Variants in CAMTA1 observed in about 807,000 individuals in gnomAD.
CAMTA1 encodes calmodulin-binding transcription activator 1.
In CAMTA1, 27 loss-of-function variants were observed where a neutral mutation model predicts 170.9. The observed-to-expected ratio is 0.16, with a 90% CI of 0.12 to 0.22. CAMTA1 has a LOEUF of 0.22. Ranked by LOEUF, CAMTA1 falls within the 10% of genes least tolerant of loss-of-function variation. The pLI, the probability that CAMTA1 is intolerant of heterozygous loss-of-function variation, is 1.00. For missense variants in CAMTA1, 1,619 were observed against 2,217.2 expected (o/e 0.73, Z 5.42); for synonymous variants, 833 against 891.5 (o/e 0.93, Z 1.17).
intron 11 of CAMTA1, among the ~76,000 whole-genome samples, chr1:7,678,606 G>A (rs919991303): frequency 5.3e-5 from 8 of 152,194 alleles, no homozygotes; most frequent in Admixed American, 5.2e-4. Flanking sequence ...GAGGCCCAGA[G>A]CTAGCCAAGG....
Position 7,058,858 on chromosome 1 carries a change from T to C in CAMTA1, c.235-32446T>C, listed in dbSNP as rs1176574054. Among the ~76,000 whole-genome samples the C allele has an allele frequency of 2.7e-5, 4 of 147,564 alleles. No homozygotes were observed. In the East Asian group the frequency reaches 8.0e-4, roughly 30 times the overall value. ...ACTAAAGCTAGTCTAAAGAATGGTGTACACACACACATACACACACACACA... is the reference window on the plus strand; with the variant it reads ...ACTAAAGCTAGTCTAAAGAATGGTGCACACACACACATACACACACACACA... On this transcript the variant is annotated intron_variant, in intron 3 of 22. Coordinates refer to ENST00000303635, the MANE Select transcript of CAMTA1 (RefSeq NM_015215.4).
chr1:7,682,786 G>A lies in CAMTA1; in HGVS notation c.2914+5053G>A, dbSNP rs2096221333. On this transcript the variant is annotated intron_variant, in intron 11 of 22. Coordinates refer to ENST00000303635, the MANE Select transcript of CAMTA1 (RefSeq NM_015215.4). The surrounding 1 kb of genome is among the most constrained non-coding windows in gnomAD (Gnocchi z 5.0). ...GGCCTGGGCCGGCCGCTCCTAGGCT[G>A]GCTCCCTCCCTCAGATCCACCCAGC... Among the ~76,000 whole-genome samples, 1 of 152,198 alleles carries A rather than the reference G, an allele frequency of 6.6e-6. No homozygotes were observed. The highest frequency in any genetic ancestry group is 1.5e-5 in the Non-Finnish European group (1 of 68,024).
At position 7,673,581 on chromosome 1, in the gene CAMTA1, A is replaced by T. The variant is rs540533427; in HGVS notation, c.2779+2544A>T. Among the ~76,000 whole-genome samples, 3 of 152,166 alleles carry T rather than the reference A, an allele frequency of 2.0e-5. No individual in the cohort carries two copies. The South Asian group carries it at 6.2e-4, about 32-fold the overall frequency. The stretch of plus-strand genomic sequence containing the variant: ...CTCTGCCCAGGCCACTCACCCTCCT[A>T]GCTGTTCAGGCTCATTATATGAGCC... On this transcript the variant is annotated intron_variant, in intron 10 of 22. Transcript: ENST00000303635. This position sits in a 1 kb window ranked among gnomAD's most constrained non-coding sequence, Gnocchi z 4.6.
intron 4 of CAMTA1, among the ~76,000 whole-genome samples, chr1:7,238,709 C>A (rs1664332029): frequency 6.6e-6 from 1 of 152,192 alleles, no homozygotes; most frequent in African/African-American, 2.4e-5. Context: ...CATGGTGAAA[C>A]CCTGTCTCTA....
At chr1:6,871,937 A>G (rs1668506531) in intron 3 of CAMTA1, 10 of 1,338,722 alleles carry the variant, frequency 7.5e-6, no homozygotes, top group East Asian at 5.8e-5. Flanking sequence ...GATTTCCTCA[A>G]ATAGAGATAC....
At position 6,923,532 on chromosome 1, in the gene CAMTA1, C is replaced by G. The variant is rs76517602; in HGVS notation, c.234+98322C>G. ...CAGCCCCTGGCTCAGTGCCGGCAGCCCTCCTTGTTGCTTCCAGGGAGGCCT... is the reference window on the plus strand; with the variant it reads ...CAGCCCCTGGCTCAGTGCCGGCAGCGCTCCTTGTTGCTTCCAGGGAGGCCT... On this transcript the variant is annotated intron_variant, in intron 3 of 22. Coordinates refer to ENST00000303635, the MANE Select transcript of CAMTA1 (RefSeq NM_015215.4). Among the ~76,000 whole-genome samples, 763 of 152,316 alleles carry G rather than the reference C, an allele frequency of 5.0e-3. 5 individuals carry two copies. Among genetic ancestry groups the G allele is most frequent in the Non-Finnish European group, 7.1e-3 (486 of 68,024 alleles).
chr1:7,470,291 A>G (rs2093307167), intron 6 of CAMTA1, among the ~76,000 whole-genome samples: 1 of 152,232 alleles, frequency 6.6e-6, no homozygotes, highest in South Asian at 2.1e-4. Flanking sequence ...CCCTGCTCGG[A>G]GCCCAGAGCC....
intron 3 of CAMTA1, among the ~76,000 whole-genome samples, chr1:6,845,185 TTACCTC>T (rs965397164): frequency 2.0e-5 from 3 of 152,140 alleles, no homozygotes; most frequent in African/African-American, 7.2e-5. Flanking sequence ...TGAAAAGCTA[TTACCTC>T]TGCATAGCAA....
intron 5 of CAMTA1, among the ~76,000 whole-genome samples, chr1:7,355,846 A>T (rs948355436): frequency 1.3e-5 from 2 of 150,928 alleles, no homozygotes; most frequent in African/African-American, 4.9e-5. Context: ...GGCGTTGCAC[A>T]TCTGTTCCCA....
At chr1:7,479,982 T>A (rs1002484874) in intron 6 of CAMTA1, among the ~76,000 whole-genome samples, 1 of 151,946 alleles carries the variant, frequency 6.6e-6, no homozygotes, top group Non-Finnish European at 1.5e-5. Context: ...TGTATATATG[T>A]GAATGTATGT....
At chr1:7,271,287 G>A (rs2412147) in intron 5 of CAMTA1, among the ~76,000 whole-genome samples, 42,780 of 151,888 alleles carry the variant, frequency 0.28, 6,106 homozygotes, top group Admixed American at 0.34. Flanking sequence ...CTACAAGCCG[G>A]GAAGAAAACT....
chr1:7,235,534 G>A (rs183558977), intron 4 of CAMTA1, among the ~76,000 whole-genome samples: 1 of 152,328 alleles, frequency 6.6e-6, no homozygotes, highest in African/African-American at 2.4e-5. Flanking sequence ...GGGTGAGGCA[G>A]GAGAATTGCT....
intron 6 of CAMTA1, among the ~76,000 whole-genome samples, chr1:7,488,112 ATCTC>A (rs1316084488): frequency 1.3e-5 from 2 of 152,134 alleles, no homozygotes. Flanking sequence ...CCTCTCTAGA[ATCTC>A]TCTAAAATCT....
intron 11 of CAMTA1, among the ~76,000 whole-genome samples, chr1:7,718,853 C>CCTTTTT (rs371449043): frequency 2.2e-5 from 3 of 134,558 alleles, no homozygotes; most frequent in African/African-American, 8.3e-5. Flanking sequence ...CCGGTCAGCC[C>CCTTTTT]TTTTTTTTTT....
Position 7,561,369 on chromosome 1 carries a change from G to A in CAMTA1, c.511-79031G>A, listed in dbSNP as rs986471709. 1.3e-5 allele frequency among the ~76,000 whole-genome samples: 2 copies of A among 151,882 alleles called. No individual in the cohort carries two copies. Among genetic ancestry groups the A allele is most frequent in the African/African-American group, 2.4e-5 (1 of 41,366 alleles). On this transcript the variant is annotated intron_variant, in intron 6 of 22. Coordinates refer to ENST00000303635, the MANE Select transcript of CAMTA1 (RefSeq NM_015215.4). The surrounding 1 kb of genome is among the most constrained non-coding windows in gnomAD (Gnocchi z 5.3). ...GGACAGAGGGACAGGCAGAGAGGCC[G>A]GCGGGCAGCAGGCCAATGGGCCAGG...
chr1:7,542,977 G>C (rs1453471113), intron 6 of CAMTA1, among the ~76,000 whole-genome samples: 1 of 151,868 alleles, frequency 6.6e-6, no homozygotes, highest in African/African-American at 2.4e-5. Flanking sequence ...CCATTCTCCT[G>C]CCTCAGCCTC....
At chr1:7,192,555 T>A (rs1431819238) in intron 4 of CAMTA1, among the ~76,000 whole-genome samples, 1 of 152,118 alleles carries the variant, frequency 6.6e-6, no homozygotes, top group Non-Finnish European at 1.5e-5. Flanking sequence ...GGAGGCAAGT[T>A]GGATGGAACT....
At chr1:7,024,391 A>C (rs1466931887) in intron 3 of CAMTA1, among the ~76,000 whole-genome samples, 1 of 152,250 alleles carries the variant, frequency 6.6e-6, no homozygotes, top group African/African-American at 2.4e-5. Context: ...AAACAGCGAC[A>C]GTGAGACCTC....
intron 3 of CAMTA1, among the ~76,000 whole-genome samples, chr1:7,056,289 G>T (rs905010002): frequency 1.3e-5 from 2 of 151,846 alleles, no homozygotes; most frequent in Non-Finnish European, 1.5e-5. Context: ...ATGTTTCCTT[G>T]GTGGTTTTGA....
Sources: allele counts gnomAD v4.1 joint callset (sites outside exome capture counted in the v4.1 genomes callset), GRCh38; gene constraint gnomAD v4.1.1; non-coding constraint Gnocchi (gnomAD v3.1); transcripts MANE v1.5; gene names NCBI Gene and HGNC (gene_info 2026-07-23, HGNC 2026-07-21).